Variants in SLC2A9 observed in about 807,000 individuals in gnomAD.
The protein encoded by SLC2A9 is solute carrier family 2 member 9.
Under a neutral mutation model 50.6 loss-of-function variants are expected in SLC2A9, and 39 were observed. The observed-to-expected ratio is 0.77, with a 90% CI of 0.60 to 1.01. The LOEUF is 1.01. SLC2A9 is among the 50% of genes least tolerant of loss of function. The pLI is 0.00. For synonymous variants in SLC2A9, 324 were observed against 276.9 expected, an observed-to-expected ratio of 1.17 and a Z score of -1.69; for missense variants, 686 against 677.6, an observed-to-expected ratio of 1.01 and a Z score of -0.14.
At chr4:9,787,877 T>C (rs56205495) in intron 3 of SLC2A9, among the ~76,000 whole-genome samples, 68,415 of 152,102 alleles carry the variant, frequency 0.45, 19,305 homozygotes, top group Non-Finnish European at 0.64. Flanking sequence ...ATTAGTCCCA[T>C]TACTAGCAAT....
At chr4:9,852,848 G>T (rs980864360) in intron 10 of SLC2A9, among the ~76,000 whole-genome samples, 4 of 152,124 alleles carry the variant, frequency 2.6e-5, no homozygotes, top group African/African-American at 9.7e-5. Context: ...AATCAAATCT[G>T]CACATACCAG....
In SLC2A9 at chr4:9,908,365, G is replaced by A; in HGVS notation, c.1003-20C>T. Reference sequence around the variant, plus strand: ...CCAAATCTGTAATTCAGGAAAGAATGAGCAGAGAGAATGGTCAGTGGAAGG... The same window carrying A: ...CCAAATCTGTAATTCAGGAAAGAATAAGCAGAGAGAATGGTCAGTGGAAGG... On this transcript the variant is annotated intron_variant, in intron 7 of 11. Coordinates refer to ENST00000264784, the MANE Select transcript of SLC2A9 (RefSeq NM_020041.3). 3.3e-6 allele frequency: 5 copies of A among 1,522,458 alleles called. No homozygotes were observed. The highest frequency in any genetic ancestry group is 4.6e-6 in the Non-Finnish European group (5 of 1,095,524). 94.3% of individuals were successfully genotyped at this position (1,522,458 alleles called of 1,614,324 possible).
chr4:9,895,955 C>T (rs1738473311), intron 8 of SLC2A9, among the ~76,000 whole-genome samples: 1 of 152,172 alleles, frequency 6.6e-6, no homozygotes, highest in Admixed American at 6.5e-5. Flanking sequence ...ATCAACAGTT[C>T]TTTTGTATTG....
In SLC2A9 at chr4:9,828,686, T is replaced by A. The variant is rs1725534101; in HGVS notation, c.1420-2086A>T. Among the ~76,000 whole-genome samples the A allele has an allele frequency of 2.0e-5, 3 of 152,326 alleles. 1 individual carries two copies. Among genetic ancestry groups the A allele is most frequent in the East Asian group, 3.9e-4 (2 of 5,184 alleles). ...TATCCTGCTTTCTTACTCCTCTTCATCCGACTTAAAGGTCATTTTCTCAGA... is the reference window on the plus strand; with the variant it reads ...TATCCTGCTTTCTTACTCCTCTTCAACCGACTTAAAGGTCATTTTCTCAGA... On this transcript the variant is annotated intron_variant, in intron 11 of 11. Transcript: ENST00000264784.
intron 6 of SLC2A9, among the ~76,000 whole-genome samples, chr4:9,923,173 G>A (rs953415873): frequency 6.6e-6 from 1 of 152,200 alleles, no homozygotes; most frequent in African/African-American, 2.4e-5. Context: ...GAAGGCAGGG[G>A]CACTCTGGGC....
chr4:9,868,106 G>A (rs974911535), intron 10 of SLC2A9, among the ~76,000 whole-genome samples: 1 of 152,206 alleles, frequency 6.6e-6, no homozygotes, highest in Non-Finnish European at 1.5e-5. Context: ...CCTGACCCGG[G>A]ATAGTCCCAT....
intron 8 of SLC2A9, among the ~76,000 whole-genome samples, chr4:9,894,555 C>T (rs1274656630): frequency 6.6e-6 from 1 of 152,198 alleles, no homozygotes; most frequent in Non-Finnish European, 1.5e-5. Flanking sequence ...AAATCTCTGT[C>T]CCCTGTATTA....
intron 10 of SLC2A9, 119 bp downstream of exon 10, chr4:9,887,448 C>A: frequency 1.1e-6 from 1 of 935,388 alleles, no homozygotes; most frequent in Non-Finnish European, 1.6e-6. Flanking sequence ...AGACACACAT[C>A]CCCAGTCAGG....
At chr4:9,994,674 C>G (rs1758317691) in intron 3 of SLC2A9, among the ~76,000 whole-genome samples, 1 of 150,904 alleles carries the variant, frequency 6.6e-6, no homozygotes, top group Non-Finnish European at 1.5e-5. Flanking sequence ...GTGTCAAAGT[C>G]CCTTGTAACA....
intron 2 of SLC2A9, among the ~76,000 whole-genome samples, chr4:9,997,853 G>GA (rs1257815842): frequency 1.3e-5 from 2 of 152,006 alleles, no homozygotes; most frequent in Non-Finnish European, 2.9e-5. Context: ...ATTCAGAAAT[G>GA]AAAAGACAAC....
At chr4:9,786,930 C>T (rs945163828) in intron 3 of SLC2A9, among the ~76,000 whole-genome samples, 11 of 152,194 alleles carry the variant, frequency 7.2e-5, no homozygotes, top group African/African-American at 2.4e-4. Flanking sequence ...AATTATCCAG[C>T]CCCAAATACC....
In SLC2A9 at chr4:10,038,501, T is replaced by C. The variant is rs190603187; in HGVS notation, c.-41+1629A>G. The stretch of plus-strand genomic sequence containing the variant: ...CAGCCTGGGTGACAGAGTAAGACTC[T>C]GTCTCAAAAAAAAAAAAAAAAAAAA... On this transcript the variant is annotated intron_variant, in intron 1 of 12. Transcript: ENST00000309065. Among the ~76,000 whole-genome samples, 996 of 102,826 alleles carry C rather than the reference T, an allele frequency of 9.7e-3. 9 individuals carry two copies. Among genetic ancestry groups the C allele is most frequent in the South Asian group, 0.019 (49 of 2,526 alleles). The allele number at this position is 102,826 out of a possible 152,430, so 67.5% of individuals were successfully genotyped here.
At chr4:9,860,615 C>T (rs1301353002) in intron 10 of SLC2A9, among the ~76,000 whole-genome samples, 1 of 152,214 alleles carries the variant, frequency 6.6e-6, no homozygotes, top group Non-Finnish European at 1.5e-5. Context: ...TGACGTTGTC[C>T]CTTTCAGGGC....
At chr4:9,903,755 T>C (rs1359122721) in intron 8 of SLC2A9, among the ~76,000 whole-genome samples, 1 of 150,526 alleles carries the variant, frequency 6.6e-6, no homozygotes, top group East Asian at 1.9e-4. Flanking sequence ...TGTGTGTTTA[T>C]TACATATGTA....
At chr4:9,839,160 A>T (rs1727592249) in intron 10 of SLC2A9, among the ~76,000 whole-genome samples, 1 of 152,214 alleles carries the variant, frequency 6.6e-6, no homozygotes, top group South Asian at 2.1e-4. Context: ...AATAAAACCC[A>T]TTAAAAAGCA....
chr4:9,841,310 G>A (rs532811078), intron 10 of SLC2A9, among the ~76,000 whole-genome samples: 10 of 152,076 alleles, frequency 6.6e-5, no homozygotes, highest in South Asian at 2.1e-4. Context: ...TCTCGTGAGC[G>A]ACTTTGTTCT....
downstream of SLC2A9, among the ~76,000 whole-genome samples, chr4:9,823,416 G>A (rs528950365): frequency 4.6e-5 from 7 of 152,216 alleles, no homozygotes; most frequent in African/African-American, 1.7e-4. Context: ...TTATATTTGG[G>A]TATCTGGAAA....
chr4:9,836,939 C>T (rs1399348856), intron 10 of SLC2A9, among the ~76,000 whole-genome samples: 1 of 152,132 alleles, frequency 6.6e-6, no homozygotes, highest in Non-Finnish European at 1.5e-5. Context: ...ACTTAGCAAG[C>T]CGACCCAACC....
At chr4:9,978,447 T>G (rs1480407537) in intron 5 of SLC2A9, among the ~76,000 whole-genome samples, 1 of 152,244 alleles carries the variant, frequency 6.6e-6, no homozygotes, top group Non-Finnish European at 1.5e-5. Context: ...AAATATTTAT[T>G]TACTTTTTTT....
Sources: allele counts gnomAD v4.1 joint callset (sites outside exome capture counted in the v4.1 genomes callset), GRCh38; gene constraint gnomAD v4.1.1; transcripts MANE v1.5; gene names NCBI Gene and HGNC (gene_info 2026-07-23, HGNC 2026-07-21).